The following POU6F1 variants were observed in gnomAD, a reference collection of about 807,000 sequenced individuals.
The protein encoded by POU6F1 is POU class 6 homeobox 1, also known as POU domain, class 6, transcription factor 1.
Under a neutral mutation model 28.9 loss-of-function variants are expected in POU6F1, and 9 were observed. That is an observed-to-expected ratio of 0.31 (90% CI 0.19 to 0.54). The LOEUF is 0.54. POU6F1 is among the 20% of genes least tolerant of loss of function. The probability of loss-of-function intolerance (pLI) is 0.94; values close to 1 mark genes in which losing one functional copy is unlikely to be tolerated. For synonymous variants in POU6F1, 173 were observed against 171.1 expected, an observed-to-expected ratio of 1.01 and a Z score of -0.09; for missense variants, 338 against 426.1, an observed-to-expected ratio of 0.79 and a Z score of 1.82.
At chr12:51,204,050 G>A (rs1478537930) in intron 3 of POU6F1, 123 bp downstream of exon 3, 1 of 397,716 alleles carries the variant, frequency 2.5e-6, no homozygotes, top group Non-Finnish European at 4.4e-6. Context: ...GCTGTCCAGT[G>A]GGCAGGCAGA....
intron 1 of POU6F1, among the ~76,000 whole-genome samples, chr12:51,209,602 T>C (rs1943856098): frequency 6.6e-6 from 1 of 152,086 alleles, no homozygotes; most frequent in African/African-American, 2.4e-5. Context: ...TTGGGTATAA[T>C]TTTTTTTGAA....
At chr12:51,204,603 C>T (rs1291523978) in intron 2 of POU6F1, among the ~76,000 whole-genome samples, 1 of 152,116 alleles carries the variant, frequency 6.6e-6, no homozygotes, top group Non-Finnish European at 1.5e-5. Flanking sequence ...AAGGGCCTGA[C>T]GCAAGCTAGA....
At chr12:51,209,757 C>T (rs1943864720) in intron 1 of POU6F1, among the ~76,000 whole-genome samples, 1 of 152,284 alleles carries the variant, frequency 6.6e-6, no homozygotes, top group South Asian at 2.1e-4. Flanking sequence ...CCTCTTCCTT[C>T]CTTAACCCCT....
At chr12:51,198,338 C>T (rs915193597) in intron 5 of POU6F1, among the ~76,000 whole-genome samples, 5 of 152,200 alleles carry the variant, frequency 3.3e-5, no homozygotes, top group South Asian at 2.1e-4. Context: ...GGCCGAAGTA[C>T]GGCAGGCCTG....
intron 8 of POU6F1, 150 bp from the exon 9 acceptor site, chr12:51,192,621 T>G: frequency 9.6e-7 from 1 of 1,045,752 alleles, no homozygotes; most frequent in Non-Finnish European, 1.3e-6. Context: ...AAAACAAGAC[T>G]AGGCAGGGCA....
At chr12:51,216,367 T>A (rs1382308398) in intron 1 of POU6F1, among the ~76,000 whole-genome samples, 1 of 152,146 alleles carries the variant, frequency 6.6e-6, no homozygotes, top group Non-Finnish European at 1.5e-5. Context: ...ACAGAATAAA[T>A]GGCTACATAC....
intron 1 of POU6F1, among the ~76,000 whole-genome samples, chr12:51,212,313 C>T (rs1410522565): frequency 6.6e-6 from 1 of 151,382 alleles, no homozygotes; most frequent in Non-Finnish European, 1.5e-5. Context: ...AGGCTGGTCT[C>T]GAACTCCTGA....
chr12:51,213,221 G>A (rs1403409366), intron 1 of POU6F1, among the ~76,000 whole-genome samples: 1 of 152,162 alleles, frequency 6.6e-6, no homozygotes, highest in African/African-American at 2.4e-5. Context: ...ACAGGCGTGA[G>A]CCACCGCGCC....
At chr12:51,198,925 C>G (rs1002545616) in intron 4 of POU6F1, 150 bp from the exon 5 acceptor site, 1 of 395,894 alleles carries the variant, frequency 2.5e-6, no homozygotes, top group African/African-American at 2.1e-5. Flanking sequence ...GGGGAAGAGC[C>G]AAACCCTAGC....
chr12:51,209,565 G>C (rs1225992080), intron 1 of POU6F1, among the ~76,000 whole-genome samples: 1 of 152,104 alleles, frequency 6.6e-6, no homozygotes, highest in Non-Finnish European at 1.5e-5. Flanking sequence ...CTACCTTTTG[G>C]CTATTGCAAA....
intron 1 of POU6F1, among the ~76,000 whole-genome samples, chr12:51,214,536 A>G (rs1482093745): frequency 6.6e-6 from 1 of 152,092 alleles, no homozygotes; most frequent in Admixed American, 6.6e-5. Flanking sequence ...CTGTCCCCAC[A>G]CCCTGAACCA....
intron 3 of POU6F1, among the ~76,000 whole-genome samples, chr12:51,201,379 T>A (rs1057324191): frequency 3.3e-5 from 5 of 151,602 alleles, no homozygotes; most frequent in Non-Finnish European, 5.9e-5. Context: ...CATTTCTAAC[T>A]CCAGAAAAAA....
chr12:51,201,202 C>G (rs990715036), intron 3 of POU6F1, among the ~76,000 whole-genome samples: 24 of 152,310 alleles, frequency 1.6e-4, no homozygotes, highest in Non-Finnish European at 7.3e-5. Flanking sequence ...CATGTTTCAA[C>G]TTGGGAAGGC....
intron 3 of POU6F1, among the ~76,000 whole-genome samples, chr12:51,200,171 C>T (rs1943116000): frequency 6.6e-6 from 1 of 152,200 alleles, no homozygotes. Flanking sequence ...CATTTCCTGG[C>T]CCTGTAAGGA....
At chr12:51,198,368 C>T (rs1406632750) in intron 5 of POU6F1, among the ~76,000 whole-genome samples, 182 bp downstream of exon 5, 1 of 152,198 alleles carries the variant, frequency 6.6e-6, no homozygotes, top group African/African-American at 2.4e-5. Flanking sequence ...CGTGGCGTCA[C>T]GGCCTACAGT....
chr12:51,217,703 T>C lies in POU6F1; in HGVS notation c.-109A>G, dbSNP rs1266324033. 2 of 151,318 alleles carry C rather than the reference T, an allele frequency of 1.3e-5. No homozygotes were observed. Among genetic ancestry groups the C allele is most frequent in the East Asian group, 4.0e-4 (2 of 5,016 alleles). The allele number at this position is 151,318 out of a possible 1,614,324, so 9.4% of individuals were successfully genotyped here. ...CTGGCGGCCACCGATTAGAGATTCA[T>C]CTCACAGCCCGGGCCAGGGGGCCGG... On this transcript the variant is annotated 5_prime_UTR_variant, in exon 1 of 11. An upstream start codon of the reference 5' UTR is lost. Transcript: ENST00000333640. This position sits in a 1 kb window ranked among gnomAD's most constrained non-coding sequence, Gnocchi z 5.3.
Position 51,190,372 on chromosome 12 carries a change from C to T in POU6F1, c.1711G>A (p.Gly571Ser). Residue 571 changes from glycine (G) to serine (S), a missense_variant, in exon 11 of 11, where the codon GGC (glycine) becomes AGC (serine). Around this residue, in one of 3 missense-constraint regions of POU6F1, gnomAD observed 126 missense variants for 176.5 expected, o/e 0.71. Transcript: ENST00000333640. This position sits in a 1 kb window ranked among gnomAD's most constrained non-coding sequence, Gnocchi z 4.5. ...AYFEKNPLPT[G>S]QEITEIAKEL... ...TTAGCAATTTCAGTGATCTCCTGGC[C>T]TGTGGGCAGTGGGTTCTTCTCAAAA... 1 of 1,614,190 alleles carries T rather than the reference C, an allele frequency of 6.2e-7. No individual in the cohort carries two copies. The highest frequency in any genetic ancestry group is 8.5e-7 in the Non-Finnish European group (1 of 1,180,042).
chr12:51,216,779 A>G (rs1361400185), intron 1 of POU6F1, among the ~76,000 whole-genome samples: 1 of 152,188 alleles, frequency 6.6e-6, no homozygotes, highest in African/African-American at 2.4e-5. Context: ...AAATCTCTGC[A>G]AAGAGCCTCT....
chr12:51,206,896 G>A lies in POU6F1; in HGVS notation c.-47-13C>T, dbSNP rs535328142. On this transcript the variant is annotated splice_polypyrimidine_tract_variant and intron_variant, in intron 1 of 10. Transcript: ENST00000333640. Reference sequence around the variant, plus strand: ...CACCTAGCACATCCTGGGTAAGATGGGATTGGAAAGGCAAAGGGTGATGTG... The same window carrying A: ...CACCTAGCACATCCTGGGTAAGATGAGATTGGAAAGGCAAAGGGTGATGTG... The A allele has an allele frequency of 4.2e-4, 168 of 398,526 alleles. No homozygotes were observed. Among genetic ancestry groups the A allele is most frequent in the Middle Eastern group, 2.5e-3 (4 of 1,588 alleles). The allele number at this position is 398,526 out of a possible 1,614,324, so 24.7% of individuals were successfully genotyped here. A position where few individuals can be genotyped will look rare whatever the true frequency, so the allele number is the denominator to read the frequency against.
Sources: gnomAD v4.1 joint callset for allele counts (sites outside exome capture counted in the v4.1 genomes callset) on GRCh38, gnomAD v4.1.1 for gene constraint, gnomAD v4.1.1 regional missense constraint, Gnocchi (gnomAD v3.1) non-coding constraint, MANE v1.5 for transcripts, NCBI Gene and HGNC (gene_info 2026-07-23, HGNC 2026-07-21) for gene names.